Variants in PANK1 observed in about 807,000 individuals in gnomAD.
PANK1 encodes the protein pantothenic acid kinase 1.
In PANK1, 18 loss-of-function variants were observed where a neutral mutation model predicts 40.1. The ratio of observed to expected loss-of-function variants is 0.45; its 90% confidence interval spans 0.31 to 0.67. The LOEUF (loss-of-function observed/expected upper bound fraction) is 0.67. Among genes scored for constraint, PANK1 ranks in the 30% least tolerant of loss-of-function variants. The pLI is 0.06. For missense variants in PANK1, 457 were observed against 599.6 expected, an observed-to-expected ratio of 0.76 and a Z score of 2.48; for synonymous variants, 242 against 237.7, an observed-to-expected ratio of 1.02 and a Z score of -0.17.
rs567014118 is a variant in PANK1, at chr10:89,645,124, C to T, written c.-233G>A. 2.0e-5 allele frequency: 30 copies of T among 1,505,506 alleles called. No homozygotes were observed. In the East Asian group the frequency reaches 5.1e-4, roughly 26 times the overall value. The allele number at this position is 1,505,506 out of a possible 1,614,324, so 93.3% of individuals were successfully genotyped here. On this transcript the variant is annotated 5_prime_UTR_variant, in exon 1 of 7. Transcript: ENST00000307534. ...CCCCACGGCGCCGGCCTGGAGCACGCCAGCCCCGGGCGCGGAATCGGGGAT... is the reference window on the plus strand; with the variant it reads ...CCCCACGGCGCCGGCCTGGAGCACGTCAGCCCCGGGCGCGGAATCGGGGAT...
intron 2 of PANK1, among the ~76,000 whole-genome samples, chr10:89,609,199 G>C (rs898134991): frequency 6.6e-6 from 1 of 152,146 alleles, no homozygotes; most frequent in Non-Finnish European, 1.5e-5. Context: ...TGAGTAGCTG[G>C]GATTACAGGC....
intron 6 of PANK1, among the ~76,000 whole-genome samples, chr10:89,586,839 CAAG>C (rs1564615078): frequency 1.3e-5 from 2 of 152,076 alleles, no homozygotes; most frequent in Non-Finnish European, 1.5e-5. Context: ...GTAGAAACTC[CAAG>C]TAAGGGGGCC....
At chr10:89,587,064 A>G (rs1435179491) in intron 6 of PANK1, among the ~76,000 whole-genome samples, 1 of 151,640 alleles carries the variant, frequency 6.6e-6, no homozygotes, top group Non-Finnish European at 1.5e-5. Flanking sequence ...TGGAGGTAGC[A>G]GTGAGCCAAG....
intron 1 of PANK1, among the ~76,000 whole-genome samples, chr10:89,624,847 G>C (rs1206887568): frequency 2.0e-5 from 3 of 152,186 alleles, no homozygotes; most frequent in African/African-American, 7.2e-5. Flanking sequence ...CACTAGTCAA[G>C]TTCAGAACTA....
At chr10:89,599,591 G>T in intron 2 of PANK1, 86 bp from the exon 3 acceptor site, 2 of 1,292,198 alleles carry the variant, frequency 1.5e-6, no homozygotes, top group Non-Finnish European at 2.1e-6. Flanking sequence ...TTAAGATGGG[G>T]TCATTCACAT....
At chr10:89,608,173 A>G (rs1200626139) in intron 2 of PANK1, among the ~76,000 whole-genome samples, 1 of 151,734 alleles carries the variant, frequency 6.6e-6, no homozygotes, top group Non-Finnish European at 1.5e-5. Context: ...CTGGGACTAC[A>G]GGCGCCCGCG....
chr10:89,632,261 A>G (rs1379307131), intron 1 of PANK1, among the ~76,000 whole-genome samples: 1 of 152,196 alleles, frequency 6.6e-6, no homozygotes, highest in East Asian at 1.9e-4. Context: ...AATAAAAACC[A>G]TGAGTCTGAA....
chr10:89,581,187 C>G (rs11185767), downstream of PANK1: 19,214 of 152,226 alleles, frequency 0.13, 1,412 homozygotes, highest in African/African-American at 0.2. Context: ...TCTGCAGGGG[C>G]TGTATCCTAT....
chr10:89,629,642 T>C (rs1019542495), intron 1 of PANK1, among the ~76,000 whole-genome samples: 38 of 152,208 alleles, frequency 2.5e-4, no homozygotes, highest in African/African-American at 8.4e-4. Flanking sequence ...GTAAAGTTAA[T>C]TAATGAGAAC....
At chr10:89,642,643 T>A (rs1210396623) in intron 1 of PANK1, among the ~76,000 whole-genome samples, 3 of 152,254 alleles carry the variant, frequency 2.0e-5, no homozygotes, top group Non-Finnish European at 4.4e-5. Context: ...ATCAACTGAT[T>A]GGACAATATT....
chr10:89,631,282 T>G (rs1183439354), intron 1 of PANK1, among the ~76,000 whole-genome samples: 1 of 152,234 alleles, frequency 6.6e-6, no homozygotes, highest in Non-Finnish European at 1.5e-5. Context: ...AATTCACTGA[T>G]GTTTAACTAG....
rs1192374008 is a variant in PANK1, at chr10:89,595,816, TAAAAAAAA to T, written c.900-1835_900-1828del. On this transcript the variant is annotated intron_variant, in intron 3 of 6. Coordinates refer to ENST00000307534, the MANE Select transcript of PANK1 (RefSeq NM_148977.3). ...TGGGTGACAGAGCCGGACTCCATCT[TAAAAAAAA>T]AAAAAAAAAATATATATATATATAT... 3.3e-3 allele frequency among the ~76,000 whole-genome samples: 133 copies of T among 40,864 alleles called. 3 individuals are homozygous for T. The highest frequency in any genetic ancestry group is 0.012 in the South Asian group (8 of 658). The allele number at this position is 40,864 out of a possible 152,430, so 26.8% of individuals were successfully genotyped here.
intron 5 of PANK1, among the ~76,000 whole-genome samples, chr10:89,590,324 G>A (rs890640857): frequency 1.3e-5 from 2 of 151,980 alleles, no homozygotes; most frequent in African/African-American, 4.8e-5. Context: ...ACCCAATAGA[G>A]TAATGAGTAA....
chr10:89,592,690 C>T (rs1844434593), intron 5 of PANK1: 1 of 530,930 alleles, frequency 1.9e-6, no homozygotes, highest in African/African-American at 1.9e-5. Flanking sequence ...TTGTATGTCA[C>T]CAGCTCCACC....
At chr10:89,593,376 C>A in intron 4 of PANK1, 56 bp from the exon 5 acceptor site, 1 of 1,584,856 alleles carries the variant, frequency 6.3e-7, no homozygotes, top group South Asian at 1.2e-5. Context: ...AGGGCCCATC[C>A]TTCCACCAAA....
At chr10:89,620,927 C>T (rs190478876) in intron 1 of PANK1, among the ~76,000 whole-genome samples, 226 of 152,200 alleles carry the variant, frequency 1.5e-3, no homozygotes, top group Admixed American at 9.5e-3. Context: ...CTGGTTTCCC[C>T]GATACACTTC....
intron 1 of PANK1, among the ~76,000 whole-genome samples, chr10:89,637,257 G>A (rs1841849479): frequency 6.6e-6 from 1 of 152,070 alleles, no homozygotes; most frequent in African/African-American, 2.4e-5. Context: ...TGAACTCCAA[G>A]ATCCAGAGGG....
At chr10:89,630,678 G>C (rs1370810451) in intron 1 of PANK1, among the ~76,000 whole-genome samples, 1 of 151,994 alleles carries the variant, frequency 6.6e-6, no homozygotes, top group Non-Finnish European at 1.5e-5. Context: ...ATTTTTAGTA[G>C]AGACTGAGTT....
intron 5 of PANK1, among the ~76,000 whole-genome samples, chr10:89,589,728 C>T (rs890282496): frequency 1.3e-5 from 2 of 151,396 alleles, no homozygotes; most frequent in East Asian, 1.9e-4. Context: ...GAAAATTTTC[C>T]GTGGGTGGAG....
Sources: gnomAD v4.1 joint callset for allele counts (sites outside exome capture counted in the v4.1 genomes callset) on GRCh38, gnomAD v4.1.1 for gene constraint, MANE v1.5 for transcripts, NCBI Gene and HGNC (gene_info 2026-07-23, HGNC 2026-07-21) for gene names.